ZZZ3: variants seen among roughly 807,000 people sequenced by gnomAD.
The protein encoded by ZZZ3 is zinc finger ZZ-type containing 3, also known as ZZ-type zinc finger-containing protein 3.
Under a neutral mutation model 95.2 loss-of-function variants are expected in ZZZ3, and 22 were observed. The observed-to-expected ratio is 0.23, with a 90% CI of 0.17 to 0.33. The LOEUF (loss-of-function observed/expected upper bound fraction) is 0.33, where lower values mean the gene tolerates loss of function less well. Among genes scored for constraint, ZZZ3 ranks in the 10% least tolerant of loss-of-function variants. ZZZ3 has a pLI of 1.00. For missense variants in ZZZ3, 885 were observed against 1,066.5 expected (o/e 0.83, Z 2.37); for synonymous variants, 335 against 358.9 (o/e 0.93, Z 0.75).
chr1:77,592,521 C>T (rs933663016), intron 5 of ZZZ3, among the ~76,000 whole-genome samples: 8 of 152,046 alleles, frequency 5.3e-5, no homozygotes, highest in East Asian at 1.9e-4. Flanking sequence ...AGGCTGGTTT[C>T]GAAATCCTGA....
chr1:77,617,766 T>C (rs1469260082), intron 5 of ZZZ3, among the ~76,000 whole-genome samples: 2 of 145,552 alleles, frequency 1.4e-5, no homozygotes, highest in Non-Finnish European at 3.0e-5. Flanking sequence ...CGTGAAACCC[T>C]GCCTCTACTG....
At chr1:77,593,008 A>G (rs1191662622) in intron 5 of ZZZ3, among the ~76,000 whole-genome samples, 3 of 152,332 alleles carry the variant, frequency 2.0e-5, no homozygotes, top group African/African-American at 4.8e-5. Flanking sequence ...GATCCAGAAG[A>G]GAGGACTGAG....
chr1:77,663,244 T>G (rs1421148568), intron 1 of ZZZ3, among the ~76,000 whole-genome samples: 1 of 152,176 alleles, frequency 6.6e-6, no homozygotes, highest in Non-Finnish European at 1.5e-5. Flanking sequence ...TTGAAAAAAT[T>G]TGATTGTGGA....
chr1:77,634,477 A>C (rs967694540), intron 4 of ZZZ3, among the ~76,000 whole-genome samples: 2 of 152,204 alleles, frequency 1.3e-5, no homozygotes, highest in Admixed American at 1.3e-4. Flanking sequence ...AAGCCTTCCT[A>C]GTCTCTAGAA....
At chr1:77,577,899 G>T (rs554851515) in intron 11 of ZZZ3, among the ~76,000 whole-genome samples, 1 of 152,130 alleles carries the variant, frequency 6.6e-6, no homozygotes, top group Non-Finnish European at 1.5e-5. Flanking sequence ...GATTACAGGC[G>T]TGAGCCACCG....
intron 1 of ZZZ3, among the ~76,000 whole-genome samples, chr1:77,679,345 G>A (rs1320040290): frequency 1.3e-5 from 2 of 152,116 alleles, no homozygotes; most frequent in South Asian, 2.1e-4. Flanking sequence ...TCACTCTGTT[G>A]CCCAGGCTGG....
chr1:77,663,420 CTG>C (rs1027487128), intron 1 of ZZZ3, among the ~76,000 whole-genome samples: 21 of 152,178 alleles, frequency 1.4e-4, no homozygotes, highest in Non-Finnish European at 1.5e-5. Context: ...CTGAAAACAA[CTG>C]TCCCCTTCCC....
Position 77,632,737 on chromosome 1 carries a change from A to G in ZZZ3, c.618T>C (p.Asp206=). The G allele has an allele frequency of 2.5e-6, 4 of 1,614,222 alleles. No individual in the cohort carries two copies. The highest frequency in any genetic ancestry group is 3.4e-6 in the Non-Finnish European group (4 of 1,180,036). ...AGTTTATAACAGCTGAATCACTGTCATCAACACCATTGACAGCCAAATAGC... is the reference window on the plus strand; with the variant it reads ...AGTTTATAACAGCTGAATCACTGTCGTCAACACCATTGACAGCCAAATAGC... ...ITGYLAVNGV[D]DSDSAVINCD... is the part of the protein sequence containing the mutation. The change falls in exon 5 of 15, where the codon GAT becomes GAC. Residue 206 remains aspartate (D), a synonymous_variant. Transcript: ENST00000370801.
In ZZZ3 at chr1:77,632,559, C is replaced by T. The variant is rs761309590; in HGVS notation, c.796G>A (p.Val266Met). Residue 266 changes from valine to methionine, a missense_variant, in exon 5 of 15, where the codon GTG (valine) becomes ATG (methionine). Around this residue, in one of 5 missense-constraint regions of ZZZ3, gnomAD observed 556 missense variants for 652.9 expected, o/e 0.85. Transcript: ENST00000370801. ...RKEDSYIDHK[V>M]PCTDSQVQVK... ...TGCACTTGTGAATCTGTGCAAGGCA[C>T]CTTATGGTCTATATAACTGTCCTCC... The T allele has an allele frequency of 6.2e-7, 1 of 1,614,120 alleles. No individual in the cohort carries two copies. The highest frequency in any genetic ancestry group is 1.1e-5 in the South Asian group (1 of 91,082).
At chr1:77,630,550 T>C (rs564152924) in intron 5 of ZZZ3, among the ~76,000 whole-genome samples, 42 of 152,190 alleles carry the variant, frequency 2.8e-4, no homozygotes, top group African/African-American at 9.4e-4. Flanking sequence ...CTCAACTTAT[T>C]TCTAATACAA....
Position 77,579,724 on chromosome 1 carries a change from AAT to A in ZZZ3, c.1981-98_1981-97del, listed in dbSNP as rs1400198179. 6.7e-6 allele frequency: 5 copies of A among 747,626 alleles called. No homozygotes were observed. In the East Asian group the frequency reaches 1.3e-4, roughly 19 times the overall value. The allele number at this position is 747,626 out of a possible 1,614,324, so 46.3% of individuals were successfully genotyped here. A position where few individuals can be genotyped will look rare whatever the true frequency, so the allele number is the denominator to read the frequency against. On this transcript the variant is annotated intron_variant, in intron 9 of 14. Coordinates refer to ENST00000370801, the MANE Select transcript of ZZZ3 (RefSeq NM_015534.6). Reference sequence around the variant, plus strand: ...ACATTCACATTTCATTTCAAAATGTAATACTCTCTCCCACCTTTGGGGGTTAC... The same window carrying A: ...ACATTCACATTTCATTTCAAAATGTAACTCTCTCCCACCTTTGGGGGTTAC...
chr1:77,634,101 C>CA (rs2100858497), intron 4 of ZZZ3, among the ~76,000 whole-genome samples: 1 of 151,986 alleles, frequency 6.6e-6, no homozygotes, highest in East Asian at 1.9e-4. Flanking sequence ...ACCCGGGAGG[C>CA]AGAGTTTGCA....
intron 1 of ZZZ3, among the ~76,000 whole-genome samples, chr1:77,646,544 C>T (rs1158790738): frequency 6.6e-6 from 1 of 151,986 alleles, no homozygotes; most frequent in African/African-American, 2.4e-5. Flanking sequence ...AAGTCTTATC[C>T]TTTAAAAATG....
At chr1:77,593,667 T>C (rs970200251) in intron 5 of ZZZ3, among the ~76,000 whole-genome samples, 20 of 152,206 alleles carry the variant, frequency 1.3e-4, no homozygotes, top group Non-Finnish European at 2.6e-4. Context: ...TAAACAACTA[T>C]AGGCTATTTG....
intron 11 of ZZZ3, 53 bp from the exon 12 acceptor site, chr1:77,576,273 T>C (rs1661929599): frequency 7.0e-7 from 1 of 1,421,314 alleles, no homozygotes; most frequent in Non-Finnish European, 9.5e-7. Flanking sequence ...ATTACAAGAA[T>C]CAAAAATATA....
intron 1 of ZZZ3, among the ~76,000 whole-genome samples, chr1:77,659,870 T>G (rs115621296): frequency 0.063 from 9,602 of 152,088 alleles, 600 homozygotes; most frequent in African/African-American, 0.16. Flanking sequence ...CTCACTCTTG[T>G]CACCCAGGCT....
At chr1:77,571,792 G>A (rs1210036593) in intron 12 of ZZZ3, among the ~76,000 whole-genome samples, 1 of 152,174 alleles carries the variant, frequency 6.6e-6, no homozygotes, top group East Asian at 1.9e-4. Context: ...GGGTGCTGGG[G>A]AGATGTTTAA....
Position 77,621,652 on chromosome 1 carries a change from C to T in ZZZ3, c.1505+10198G>A, listed in dbSNP as rs1026418881. Among the ~76,000 whole-genome samples, 3 of 151,526 alleles carry T rather than the reference C, an allele frequency of 2.0e-5. No homozygotes were observed. The East Asian group carries it at 5.9e-4, about 30-fold the overall frequency. ...GCAACATGACAAAACCCCATCTCTA[C>T]AAGAAAATATAAAAATTAGCCACGT... On this transcript the variant is annotated intron_variant, in intron 5 of 14. Coordinates refer to ENST00000370801, the MANE Select transcript of ZZZ3 (RefSeq NM_015534.6).
chr1:77,608,352 CAAACTTAAAGTGCTGAAGG>C (rs1367477345), intron 5 of ZZZ3, among the ~76,000 whole-genome samples: 2 of 152,106 alleles, frequency 1.3e-5, no homozygotes, highest in African/African-American at 4.8e-5. Context: ...AGTGGCATGA[CAAACTTAAAGTGCTGAAGG>C]AAAAAAATTT....
Sources: allele counts gnomAD v4.1 joint callset (sites outside exome capture counted in the v4.1 genomes callset), GRCh38; gene constraint gnomAD v4.1.1; regional missense constraint gnomAD v4.1.1; transcripts MANE v1.5; gene names NCBI Gene and HGNC (gene_info 2026-07-23, HGNC 2026-07-21).